The following USH2A variants were observed in gnomAD, a reference collection of about 807,000 sequenced individuals.
The protein encoded by USH2A is Usher syndrome 2A (autosomal recessive, mild).
In USH2A, 443 loss-of-function variants were observed where a neutral mutation model predicts 538.9. That is an observed-to-expected ratio of 0.82 (90% CI 0.76 to 0.89). USH2A has a LOEUF of 0.89. USH2A is among the 40% of genes least tolerant of loss of function. The probability of loss-of-function intolerance (pLI) is 0.00; values close to 1 mark genes in which losing one functional copy is unlikely to be tolerated. For missense variants in USH2A, 6,633 were observed against 6,324.8 expected, an observed-to-expected ratio of 1.05 and a Z score of -1.65; for synonymous variants, 2,413 against 2,273.5, an observed-to-expected ratio of 1.06 and a Z score of -1.75.
intron 4 of USH2A, among the ~76,000 whole-genome samples, chr1:216,351,177 G>T (rs1255102456): frequency 1.3e-5 from 2 of 152,116 alleles, no homozygotes; most frequent in East Asian, 3.9e-4. Context: ...TTATATTATA[G>T]AGGGAAAAAC....
intron 38 of USH2A, among the ~76,000 whole-genome samples, chr1:215,911,311 A>AT (rs904513626): frequency 3.3e-5 from 5 of 151,712 alleles, no homozygotes; most frequent in Non-Finnish European, 1.5e-5. Context: ...CATTCATTCT[A>AT]TTTTTTTAAC....
chr1:216,284,558 G>A (rs2036845755), intron 11 of USH2A, among the ~76,000 whole-genome samples: 1 of 152,162 alleles, frequency 6.6e-6, no homozygotes, highest in Non-Finnish European at 1.5e-5. Flanking sequence ...AGTTGAGTGA[G>A]AATGGACTAA....
intron 51 of USH2A, 152 bp from the exon 52 acceptor site, chr1:215,787,026 A>C: frequency 1.3e-6 from 1 of 749,818 alleles, no homozygotes; most frequent in South Asian, 1.7e-5. Flanking sequence ...AAATGAAGGC[A>C]GTTTGTATAC....
chr1:216,099,078 G>A lies in USH2A; in HGVS notation c.4628-1865C>T, dbSNP rs1374756163. On this transcript the variant is annotated intron_variant, in intron 21 of 71. Coordinates refer to ENST00000307340, the MANE Select transcript of USH2A (RefSeq NM_206933.4). ...TGCTATTCCTTTAGTCACAGCAAAGGTTAAGTTTAGGATACAAGCTTTAGA... is the reference window on the plus strand; with the variant it reads ...TGCTATTCCTTTAGTCACAGCAAAGATTAAGTTTAGGATACAAGCTTTAGA... Among the ~76,000 whole-genome samples, 5 of 152,168 alleles carry A rather than the reference G, an allele frequency of 3.3e-5. 1 individual carries two copies. Among genetic ancestry groups the A allele is most frequent in the Admixed American group, 6.5e-5 (1 of 15,274 alleles).
chr1:216,077,324 C>A (rs541246625), intron 27 of USH2A, among the ~76,000 whole-genome samples: 1 of 151,928 alleles, frequency 6.6e-6, no homozygotes, highest in Non-Finnish European at 1.5e-5. Context: ...TAATAATCTA[C>A]AATATATAGA....
chr1:216,027,771 GAC>G (rs1369603598), intron 32 of USH2A, among the ~76,000 whole-genome samples: 1 of 150,712 alleles, frequency 6.6e-6, no homozygotes, highest in Non-Finnish European at 1.5e-5. Context: ...TTGAATAAGA[GAC>G]AATTTAATTG....
Position 215,976,308 on chromosome 1 carries a change from C to T in USH2A, c.6806-5532G>A, listed in dbSNP as rs527408965. Among the ~76,000 whole-genome samples, 19 of 152,226 alleles carry T rather than the reference C, an allele frequency of 1.2e-4. No homozygotes were observed. In the South Asian group the frequency reaches 3.7e-3, roughly 30 times the overall value. ...CTAGTAGGATTTCTTTTATTTCTTT[C>T]TTGTGCCTGATTGCTCTGGCAAGGA... On this transcript the variant is annotated intron_variant, in intron 35 of 71. Coordinates refer to ENST00000307340, the MANE Select transcript of USH2A (RefSeq NM_206933.4).
chr1:216,027,100 A>C (rs1208425098), intron 32 of USH2A, among the ~76,000 whole-genome samples: 1 of 152,166 alleles, frequency 6.6e-6, no homozygotes, highest in African/African-American at 2.4e-5. Context: ...GTCCGTCCAA[A>C]ATTCATAAAT....
At chr1:216,034,628 C>A (rs1165396068) in intron 32 of USH2A, among the ~76,000 whole-genome samples, 2 of 152,046 alleles carry the variant, frequency 1.3e-5, no homozygotes, top group Non-Finnish European at 2.9e-5. Context: ...TGTAATGATA[C>A]AAGCAGAGAT....
intron 34 of USH2A, among the ~76,000 whole-genome samples, chr1:215,996,473 AT>A (rs1558201428): frequency 7.4e-6 from 1 of 134,630 alleles, no homozygotes; most frequent in Admixed American, 7.8e-5. Flanking sequence ...TCTTTATTTT[AT>A]TTTTAACATA....
intron 9 of USH2A, among the ~76,000 whole-genome samples, chr1:216,300,793 C>T (rs2037200535): frequency 6.7e-6 from 1 of 149,346 alleles, no homozygotes; most frequent in African/African-American, 2.5e-5. Flanking sequence ...CTCTGTTGCC[C>T]AGGTTGGAGC....
At chr1:216,416,003 T>C (rs1026168306) in intron 3 of USH2A, among the ~76,000 whole-genome samples, 5 of 151,930 alleles carry the variant, frequency 3.3e-5, no homozygotes, top group African/African-American at 1.2e-4. Flanking sequence ...CCTTCTCTAC[T>C]AAAAATACAA....
chr1:216,259,337 C>T (rs980119828), intron 11 of USH2A, among the ~76,000 whole-genome samples: 5 of 152,024 alleles, frequency 3.3e-5, no homozygotes, highest in African/African-American at 1.2e-4. Flanking sequence ...AGTAACTACT[C>T]AAATAACTGA....
chr1:216,013,559 C>T (rs867231008), intron 32 of USH2A, among the ~76,000 whole-genome samples: 8 of 152,126 alleles, frequency 5.3e-5, no homozygotes, highest in Non-Finnish European at 8.8e-5. Context: ...CATTCCACCA[C>T]GAAAGAAGTG....
At chr1:216,269,199 G>C (rs183123854) in intron 11 of USH2A, among the ~76,000 whole-genome samples, 1 of 152,098 alleles carries the variant, frequency 6.6e-6, no homozygotes, top group African/African-American at 2.4e-5. Context: ...GTTGTGGGGG[G>C]AGACCCAGTG....
intron 11 of USH2A, among the ~76,000 whole-genome samples, chr1:216,275,614 G>A (rs1020987419): frequency 1.3e-5 from 2 of 151,876 alleles, no homozygotes; most frequent in African/African-American, 4.8e-5. Context: ...GAGATGACAA[G>A]GAAAACAAAT....
intron 62 of USH2A, 131 bp downstream of exon 62, chr1:215,680,018 T>C (rs144716049): frequency 5.1e-5 from 45 of 889,290 alleles, no homozygotes; most frequent in Non-Finnish European, 7.9e-5. Flanking sequence ...ATTAAGTGCC[T>C]GGAGGAGCTA....
In USH2A at chr1:215,786,861, C is replaced by A. The variant is rs765920408; in HGVS notation, c.10196G>T (p.Cys3399Phe). ...CATAGATGCTGGGCAGAGGATCCTG[C>A]ACTCTTTGGTTTCCTGAGTCAAGTG... ...TGMMMKETKE[C>F]RILCPASMEA... is the part of the protein sequence containing the mutation. The change falls in exon 52 of 72, where the codon TGC becomes TTC. Residue 3399 changes from cysteine to phenylalanine, a missense_variant. Physicochemically the swap from Cys to Phe is radical, Grantham distance 205 (BLOSUM62 -2). Transcript: ENST00000307340. 1 of 1,613,800 alleles carries A rather than the reference C, an allele frequency of 6.2e-7. No homozygotes were observed.
rs187115466 is a variant in USH2A at position 215,834,925 on chromosome 1, C to T, written c.9371+3066G>A. On this transcript the variant is annotated intron_variant, in intron 47 of 71. Transcript: ENST00000307340. ...TTCATTGCATTTTCAGAGACATTCC[C>T]TTGAACTTTCTTCAAAAGTTTCAAT... Among the ~76,000 whole-genome samples, 426 of 151,874 alleles carry T rather than the reference C, an allele frequency of 2.8e-3. 2 individuals are homozygous for T. Among genetic ancestry groups the T allele is most frequent in the Admixed American group, 5.7e-3 (87 of 15,254 alleles).
Sources: gnomAD v4.1 joint callset for allele counts (sites outside exome capture counted in the v4.1 genomes callset) on GRCh38, gnomAD v4.1.1 for gene constraint, MANE v1.5 for transcripts, NCBI Gene and HGNC (gene_info 2026-07-23, HGNC 2026-07-21) for gene names.